RNF10: variants seen among roughly 807,000 people sequenced by gnomAD.
RNF10 encodes the protein ring finger protein 10.
In RNF10, 38 loss-of-function variants were observed where a neutral mutation model predicts 91.4. The ratio of observed to expected loss-of-function variants is 0.42; its 90% CI spans 0.32 to 0.54. RNF10 has a LOEUF of 0.54. RNF10 is among the 20% of genes least tolerant of loss of function. The probability of loss-of-function intolerance (pLI) is 0.16; values close to 1 mark genes in which losing one functional copy is unlikely to be tolerated. For missense variants in RNF10, 945 were observed against 1,012.0 expected (o/e 0.93, Z 0.90); for synonymous variants, 364 against 366.3 (o/e 0.99, Z 0.07).
At chr12:120,538,167 C>T (rs1441086490) in intron 1 of RNF10, among the ~76,000 whole-genome samples, 4 of 152,102 alleles carry the variant, frequency 2.6e-5, no homozygotes, top group African/African-American at 7.2e-5. Flanking sequence ...GGAAAACAAG[C>T]GTAAGGTGAA....
At chr12:120,563,671 A>T in intron 9 of RNF10, 48 bp downstream of exon 9, 1 of 1,569,522 alleles carries the variant, frequency 6.4e-7, no homozygotes, top group African/African-American at 1.4e-5. Flanking sequence ...GGTGTTTCAG[A>T]GGTGACCCGG....
intron 4 of RNF10, among the ~76,000 whole-genome samples, chr12:120,555,429 A>C (rs1368994537): frequency 1.3e-5 from 2 of 150,846 alleles, no homozygotes; most frequent in African/African-American, 2.4e-5. Context: ...TGATCCACCC[A>C]CCTTGGCCTC....
chr12:120,572,921 T>TTTA (rs1300654785), intron 14 of RNF10, among the ~76,000 whole-genome samples: 1 of 150,320 alleles, frequency 6.7e-6, no homozygotes, highest in Non-Finnish European at 1.5e-5. Flanking sequence ...TTTTTTTTTT[T>TTTA]AAACTAGGCT....
At position 120,565,492 on chromosome 12, in the gene RNF10, C is replaced by T. The variant is rs758709939; in HGVS notation, c.1848C>T (p.Arg616=). The change falls in exon 12 of 17, where the codon CGC becomes CGT. Residue 616 remains arginine (R), a synonymous_variant. Transcript: ENST00000325954. ...CTCGGGAGGAACGCCGCCGAGAGCG[C>T]AGGATTGAGATAGAGGAGAACAAGA... ...KKAREERRRE[R]RIEIEENKKQ... 1 of 1,614,008 alleles carries T rather than the reference C, an allele frequency of 6.2e-7. No individual in the cohort carries two copies. Among genetic ancestry groups the T allele is most frequent in the Admixed American group, 1.7e-5 (1 of 59,994 alleles).
chr12:120,567,335 C>CAA (rs11373766), intron 13 of RNF10, among the ~76,000 whole-genome samples: 38,979 of 143,756 alleles, frequency 0.27, 6,123 homozygotes, highest in Admixed American at 0.39. Flanking sequence ...TTTAATAGCT[C>CAA]AAAAAAAAAA....
At chr12:120,546,352 C>T (rs1289330900) in intron 1 of RNF10, 53 bp from the exon 2 acceptor site, 9 of 1,539,622 alleles carry the variant, frequency 5.8e-6, no homozygotes, top group Non-Finnish European at 8.0e-6. Context: ...GGGCAGTTGG[C>T]TAAGTGAATG....
rs377054423 is a variant in RNF10 at position 120,534,953 on chromosome 12, T to G, written c.142T>G (p.Ser48Ala). 46 of 1,599,604 alleles carry G rather than the reference T, an allele frequency of 2.9e-5. No individual in the cohort carries two copies. In the South Asian group the frequency reaches 4.9e-4, roughly 17 times the overall value. Residue 48 changes from serine (S) to alanine (A), a missense_variant, in exon 1 of 17, where the codon TCT becomes GCT. Transcript: ENST00000325954. ...RSASAGPAGE[S>A]KPKSDGKNSS... Reference sequence around the variant, plus strand: ...CGCCTCGGCGGGGCCAGCCGGCGAGTCTAAACCCAAGAGCGGTAAGGACGG... The same window carrying G: ...CGCCTCGGCGGGGCCAGCCGGCGAGGCTAAACCCAAGAGCGGTAAGGACGG...
At chr12:120,563,234 CACG>C in intron 8 of RNF10, 110 bp from the exon 9 acceptor site, 2 of 1,476,466 alleles carry the variant, frequency 1.4e-6, no homozygotes, top group Non-Finnish European at 1.9e-6. Flanking sequence ...AATCAGTGAA[CACG>C]ACAGCTAAGA....
rs1297371060 is a variant in RNF10 at position 120,568,688 on chromosome 12, C to T, written c.2041+1708C>T. ...ACAGGGTCTCTCCATGTTGGCCAGG[C>T]TGGTCTCGAACTCCTGGCCTCAAGT... On this transcript the variant is annotated intron_variant, in intron 13 of 16. Transcript: ENST00000325954. Among the ~76,000 whole-genome samples the T allele has an allele frequency of 3.3e-5, 5 of 151,992 alleles. No individual in the cohort carries two copies. The South Asian group carries it at 1.0e-3, about 32-fold the overall frequency.
chr12:120,553,687 G>A (rs968686511), intron 3 of RNF10, among the ~76,000 whole-genome samples: 3 of 152,096 alleles, frequency 2.0e-5, no homozygotes, highest in Non-Finnish European at 4.4e-5. Context: ...ACAGGCGTGA[G>A]CCACGGCACC....
chr12:120,541,869 TTTTC>T (rs1871622362), intron 1 of RNF10, among the ~76,000 whole-genome samples: 1 of 151,584 alleles, frequency 6.6e-6, no homozygotes, highest in African/African-American at 2.4e-5. Context: ...TGGTTTATCT[TTTTC>T]TTTTTTTTTT....
chr12:120,558,778 G>A (rs1658657209), intron 6 of RNF10, among the ~76,000 whole-genome samples: 1 of 151,114 alleles, frequency 6.6e-6, no homozygotes, highest in African/African-American at 2.4e-5. Flanking sequence ...CACCATGTTG[G>A]CAGGCTAGTC....
At chr12:120,570,879 G>C (rs1478130702) in intron 13 of RNF10, among the ~76,000 whole-genome samples, 1 of 152,188 alleles carries the variant, frequency 6.6e-6, no homozygotes, top group Non-Finnish European at 1.5e-5. Flanking sequence ...TTGAGAGCCA[G>C]CCTTTGTGGA....
In RNF10 at chr12:120,560,472, A is replaced by G. The variant is rs537001198; in HGVS notation, c.968-254A>G. 4.2e-3 allele frequency among the ~76,000 whole-genome samples: 636 copies of G among 152,212 alleles called. 3 individuals carry two copies. The highest frequency in any genetic ancestry group is 0.015 in the African/African-American group (603 of 41,528). ...CCTGGCTGGTTTGAGCTTTTCTGATATTACATACAATGCTGTAACAATAAA... is the reference window on the plus strand; with the variant it reads ...CCTGGCTGGTTTGAGCTTTTCTGATGTTACATACAATGCTGTAACAATAAA... On this transcript the variant is annotated intron_variant, in intron 6 of 16. Transcript: ENST00000325954.
chr12:120,534,739 C>T lies in RNF10; in HGVS notation c.-73C>T. 1 of 1,459,690 alleles carries T rather than the reference C, an allele frequency of 6.9e-7. No individual in the cohort carries two copies. Among genetic ancestry groups the T allele is most frequent in the Non-Finnish European group, 8.9e-7 (1 of 1,118,092 alleles). 90.4% of individuals were successfully genotyped at this position (1,459,690 alleles called of 1,614,324 possible). A position where few individuals can be genotyped will look rare whatever the true frequency, so the allele number is the denominator to read the frequency against. ...CTGCCGCCGCCGACCCCCGCCGGCC[C>T]TGAACGCCATGAGCCTGGGTCCCCG... On this transcript the variant is annotated 5_prime_UTR_variant, in exon 1 of 17. Transcript: ENST00000325954.
intron 7 of RNF10, 54 bp from the exon 8 acceptor site, chr12:120,562,891 T>G (rs1875099815): frequency 6.2e-7 from 1 of 1,610,714 alleles, no homozygotes; most frequent in African/African-American, 1.3e-5. Context: ...CCCTTCAAGC[T>G]AAGTGTGTGT....
chr12:120,558,915 A>AC (rs1273375522), intron 6 of RNF10, among the ~76,000 whole-genome samples: 1 of 150,860 alleles, frequency 6.6e-6, no homozygotes, highest in Non-Finnish European at 1.5e-5. Flanking sequence ...TAATGAACAT[A>AC]CCATCATGTC....
Position 120,566,869 on chromosome 12 carries a change from G to C in RNF10, c.1930G>C (p.Ala644Pro). Reference protein sequence around the residue: ...IPLENLQQFPAFNSYTCSSDS... With the variant: ...IPLENLQQFPPFNSYTCSSDS... ...CCTCGAGAATCTACAGCAGTTTCCT[G>C]CCTTCAATTCTTATACCTGCTCCTC... is the stretch of plus-strand genomic sequence containing the variant. The change falls in exon 13 of 17, where the codon GCC becomes CCC. Residue 644 changes from alanine (A) to proline (P), a missense_variant. Transcript: ENST00000325954. 6.2e-7 allele frequency: 1 copy of C among 1,613,754 alleles called. No homozygotes were observed. Among genetic ancestry groups the C allele is most frequent in the Non-Finnish European group, 8.5e-7 (1 of 1,179,884 alleles).
intron 1 of RNF10, among the ~76,000 whole-genome samples, chr12:120,545,482 G>A (rs181009144): frequency 1.0e-3 from 155 of 151,516 alleles, no homozygotes; most frequent in African/African-American, 3.3e-3. Context: ...ATGAGCCACC[G>A]CGCCTGGCCA....
Sources: gnomAD v4.1 joint callset for allele counts (sites outside exome capture counted in the v4.1 genomes callset) on GRCh38, gnomAD v4.1.1 for gene constraint, MANE v1.5 for transcripts, NCBI Gene and HGNC (gene_info 2026-07-23, HGNC 2026-07-21) for gene names.